Variants in FHOD3 observed in about 807,000 individuals in gnomAD.
FHOD3 encodes FH1/FH2 domain-containing protein 3.
Under a neutral mutation model 173.0 loss-of-function variants are expected in FHOD3, and 90 were observed. That is an observed-to-expected ratio of 0.52 (90% confidence interval 0.44 to 0.62). The LOEUF (loss-of-function observed/expected upper bound fraction) is 0.62, where lower values mean the gene tolerates loss of function less well. Ranked by LOEUF, FHOD3 falls within the 20% of genes least tolerant of loss-of-function variation. The pLI is 0.00. For missense variants in FHOD3, 1,945 were observed against 2,034.7 expected (o/e 0.96, Z 0.85); for synonymous variants, 828 against 823.0 (o/e 1.01, Z -0.10).
intron 5 of FHOD3, among the ~76,000 whole-genome samples, chr18:36,569,384 CATT>C (rs1422830639): frequency 1.1e-4 from 17 of 152,208 alleles, no homozygotes; most frequent in Non-Finnish European, 4.4e-5. Flanking sequence ...GCAAAGCAGA[CATT>C]ATAATGACAA....
At chr18:36,592,893 CT>C (rs1441957040) in intron 6 of FHOD3, among the ~76,000 whole-genome samples, 2 of 152,136 alleles carry the variant, frequency 1.3e-5, no homozygotes, top group Non-Finnish European at 2.9e-5. Flanking sequence ...ATGATGCCTG[CT>C]CAGGAGTTTG....
intron 3 of FHOD3, among the ~76,000 whole-genome samples, chr18:36,416,140 C>T (rs2049633063): frequency 6.6e-6 from 1 of 152,200 alleles, no homozygotes; most frequent in Non-Finnish European, 1.5e-5. Flanking sequence ...TCAAGCAATT[C>T]TCCTGCCTCA....
intron 3 of FHOD3, among the ~76,000 whole-genome samples, chr18:36,389,958 C>T (rs910694902): frequency 6.6e-6 from 1 of 152,164 alleles, no homozygotes; most frequent in Non-Finnish European, 1.5e-5. Flanking sequence ...GCCCTTCAGG[C>T]TGCAGATGCA....
At chr18:36,533,513 G>A (rs1171728459) in intron 5 of FHOD3, among the ~76,000 whole-genome samples, 1 of 152,234 alleles carries the variant, frequency 6.6e-6, no homozygotes, top group Non-Finnish European at 1.5e-5. Flanking sequence ...GCTGTAGGTG[G>A]CATGGAATGG....
chr18:36,763,187 ATGTG>A (rs1254344761), intron 27 of FHOD3, among the ~76,000 whole-genome samples: 1 of 147,950 alleles, frequency 6.8e-6, no homozygotes, highest in East Asian at 2.0e-4. Context: ...TACGCTATAT[ATGTG>A]TATTATATAC....
intron 10 of FHOD3, among the ~76,000 whole-genome samples, chr18:36,644,195 A>G (rs2035527154): frequency 6.6e-6 from 1 of 152,196 alleles, no homozygotes; most frequent in Non-Finnish European, 1.5e-5. Context: ...CTTATCAATC[A>G]CAAGCAAAAG....
intron 5 of FHOD3, among the ~76,000 whole-genome samples, chr18:36,554,256 G>T (rs1238141254): frequency 6.6e-6 from 1 of 152,160 alleles, no homozygotes; most frequent in Non-Finnish European, 1.5e-5. Context: ...ATCAATGATA[G>T]ACTGGATTAA....
chr18:36,562,598 G>A (rs1228601902), intron 5 of FHOD3, among the ~76,000 whole-genome samples: 2 of 152,040 alleles, frequency 1.3e-5, no homozygotes, highest in African/African-American at 2.4e-5. Flanking sequence ...CTCCTACTTC[G>A]TACCTATCCA....
At chr18:36,482,084 C>A (rs1261790039) in intron 3 of FHOD3, among the ~76,000 whole-genome samples, 1 of 152,036 alleles carries the variant, frequency 6.6e-6, no homozygotes, top group Non-Finnish European at 1.5e-5. Flanking sequence ...TTCAAATACC[C>A]TATTCATAAG....
intron 3 of FHOD3, among the ~76,000 whole-genome samples, chr18:36,387,549 ATTATG>A (rs1215739052): frequency 6.6e-6 from 1 of 152,184 alleles, no homozygotes; most frequent in African/African-American, 2.4e-5. Flanking sequence ...GGGTGTAACT[ATTATG>A]TTAAGTGCTG....
chr18:36,757,132 T>C (rs1600583556), intron 25 of FHOD3, among the ~76,000 whole-genome samples: 1 of 152,260 alleles, frequency 6.6e-6, no homozygotes, highest in Non-Finnish European at 1.5e-5. Context: ...TTAAATTCTT[T>C]CTCTTAAAAC....
chr18:36,579,836 G>C (rs2058780874), intron 6 of FHOD3, among the ~76,000 whole-genome samples: 1 of 151,578 alleles, frequency 6.6e-6, no homozygotes, highest in African/African-American at 2.4e-5. Flanking sequence ...TCTCTTTATA[G>C]CAGCAAAAAT....
chr18:36,749,771 A>G (rs1420958345), intron 24 of FHOD3, among the ~76,000 whole-genome samples: 1 of 152,186 alleles, frequency 6.6e-6, no homozygotes, highest in Non-Finnish European at 1.5e-5. Flanking sequence ...GCTTTCCACA[A>G]TGGTTGAATT....
At chr18:36,565,200 C>T (rs958832708) in intron 5 of FHOD3, among the ~76,000 whole-genome samples, 1 of 152,116 alleles carries the variant, frequency 6.6e-6, no homozygotes, top group Non-Finnish European at 1.5e-5. Flanking sequence ...TTACTGCGGG[C>T]TCTGGTGAAT....
intron 3 of FHOD3, among the ~76,000 whole-genome samples, chr18:36,380,650 CTCTT>C (rs1455915343): frequency 1.2e-4 from 12 of 99,018 alleles, no homozygotes; most frequent in Middle Eastern, 5.4e-3. Flanking sequence ...TTCTCTGTAT[CTCTT>C]TCTTTCTTTT....
chr18:36,592,226 A>T (rs979977314), intron 6 of FHOD3, among the ~76,000 whole-genome samples: 1 of 152,172 alleles, frequency 6.6e-6, no homozygotes, highest in Admixed American at 6.5e-5. Context: ...CTCAAAAAAA[A>T]TAAATAAATC....
intron 5 of FHOD3, among the ~76,000 whole-genome samples, chr18:36,567,055 C>T (rs77569883): frequency 1.3e-5 from 2 of 152,090 alleles, no homozygotes; most frequent in Admixed American, 1.3e-4. Context: ...CATTGTCTAG[C>T]CTGGGTGACT....
At chr18:36,327,240 A>C (rs543735109) in intron 1 of FHOD3, among the ~76,000 whole-genome samples, 1 of 152,386 alleles carries the variant, frequency 6.6e-6, no homozygotes, top group Admixed American at 6.5e-5. Context: ...CATCAAAGAT[A>C]AAACTCACTG....
intron 25 of FHOD3, among the ~76,000 whole-genome samples, chr18:36,756,563 A>G (rs1280957055): frequency 2.0e-5 from 3 of 152,158 alleles, no homozygotes; most frequent in African/African-American, 7.2e-5. Flanking sequence ...GTGCACAGAC[A>G]TGTGTGTATG....
Sources: allele counts gnomAD v4.1 joint callset (sites outside exome capture counted in the v4.1 genomes callset), GRCh38; gene constraint gnomAD v4.1.1; transcripts MANE v1.5; gene names NCBI Gene and HGNC (gene_info 2026-07-23, HGNC 2026-07-21).